Variants in PDE7B observed in about 807,000 individuals in gnomAD.
PDE7B encodes phosphodiesterase 7B, also known as 3',5'-cyclic-AMP phosphodiesterase 7B.
In PDE7B, 29 loss-of-function variants were observed where a neutral mutation model predicts 56.2. The observed-to-expected ratio is 0.52, with a 90% CI of 0.38 to 0.70. The LOEUF is 0.70. Ranked by LOEUF, PDE7B falls within the 30% of genes least tolerant of loss-of-function variation. The pLI, the probability that PDE7B is intolerant of heterozygous loss-of-function variation, is 0.00. For missense variants in PDE7B, 490 were observed against 565.0 expected, an observed-to-expected ratio of 0.87 and a Z score of 1.35; for synonymous variants, 197 against 196.9, an observed-to-expected ratio of 1.00 and a Z score of 0.00.
At chr6:136,158,616 G>A (rs1348133077) in intron 8 of PDE7B, among the ~76,000 whole-genome samples, 1 of 152,168 alleles carries the variant, frequency 6.6e-6, no homozygotes, top group Non-Finnish European at 1.5e-5. Flanking sequence ...TAAAGAGAGA[G>A]CAGGGCAGCT....
At chr6:136,168,810 T>C (rs1334644417) in intron 8 of PDE7B, among the ~76,000 whole-genome samples, 2 of 152,122 alleles carry the variant, frequency 1.3e-5, no homozygotes, top group South Asian at 4.1e-4. Flanking sequence ...TAGAACCAGA[T>C]TCAGAGGTAA....
At chr6:136,048,899 T>G (rs1776569925) in intron 2 of PDE7B, 1 of 152,056 alleles carries the variant, frequency 6.6e-6, no homozygotes, top group Non-Finnish European at 1.5e-5. Context: ...AGAAATAATA[T>G]AGAAATAATC....
intron 1 of PDE7B, among the ~76,000 whole-genome samples, chr6:135,915,543 T>A (rs1312288454): frequency 2.6e-5 from 4 of 152,226 alleles, no homozygotes; most frequent in Non-Finnish European, 5.9e-5. Context: ...TGCAAATACC[T>A]TTAATAGACC....
chr6:135,885,196 G>C (rs998236598), intron 1 of PDE7B, among the ~76,000 whole-genome samples: 2 of 152,000 alleles, frequency 1.3e-5, no homozygotes, highest in Admixed American at 6.6e-5. Context: ...CCTACTCTTA[G>C]AGCCAAATAT....
chr6:135,901,473 T>C (rs368859488), intron 1 of PDE7B, among the ~76,000 whole-genome samples: 1 of 152,200 alleles, frequency 6.6e-6, no homozygotes, highest in South Asian at 2.1e-4. Flanking sequence ...AGCAGATGAC[T>C]GAATGAGTAC....
At chr6:136,067,620 G>A (rs778885576) in intron 2 of PDE7B, among the ~76,000 whole-genome samples, 1 of 151,960 alleles carries the variant, frequency 6.6e-6, no homozygotes, top group Non-Finnish European at 1.5e-5. Context: ...TAACTTTTTT[G>A]GTTTGCTTTG....
chr6:136,113,583 G>A lies in PDE7B; in HGVS notation c.166+4769G>A, dbSNP rs1165564052. Among the ~76,000 whole-genome samples the A allele has an allele frequency of 2.6e-5, 4 of 152,200 alleles. No individual in the cohort carries two copies. In the East Asian group the frequency reaches 7.7e-4, roughly 29 times the overall value. On this transcript the variant is annotated intron_variant, in intron 3 of 12. Transcript: ENST00000308191. ...TAAGCATAGAGAGCCAGAACAGAGA[G>A]AAAAGGGGGAAAATTGTTTTTATTC...
At chr6:136,098,147 G>GGGAA (rs1554279577) in intron 2 of PDE7B, 8 of 62,930 alleles carry the variant, frequency 1.3e-4, no homozygotes, top group Non-Finnish European at 1.9e-4. Context: ...GGGGGGGGGG[G>GGGAA]AAATATATGT....
At chr6:135,977,377 T>C (rs1775205417) in intron 2 of PDE7B, among the ~76,000 whole-genome samples, 1 of 152,102 alleles carries the variant, frequency 6.6e-6, no homozygotes. Context: ...TCAGCTTGGA[T>C]TCAGATTCGG....
chr6:136,017,933 A>G (rs1776005178), intron 2 of PDE7B, among the ~76,000 whole-genome samples: 2 of 152,186 alleles, frequency 1.3e-5, no homozygotes, highest in South Asian at 2.1e-4. Context: ...GCATTCCTAC[A>G]TGAAGCATTG....
At chr6:136,126,299 T>A (rs558980090) in intron 3 of PDE7B, among the ~76,000 whole-genome samples, 1 of 152,308 alleles carries the variant, frequency 6.6e-6, no homozygotes, top group South Asian at 2.1e-4. Context: ...AAAAACAACA[T>A]TCTTTCCTTA....
intron 2 of PDE7B, among the ~76,000 whole-genome samples, chr6:135,974,971 G>A (rs903279678): frequency 6.6e-6 from 1 of 152,040 alleles, no homozygotes. Flanking sequence ...GAGCCAAAAG[G>A]GTGAGGTGCA....
intron 1 of PDE7B, among the ~76,000 whole-genome samples, chr6:135,883,432 C>A (rs1344291362): frequency 6.6e-6 from 1 of 152,166 alleles, no homozygotes; most frequent in Non-Finnish European, 1.5e-5. Context: ...TATGTTAATT[C>A]TCCTAGGCCA....
intron 3 of PDE7B, among the ~76,000 whole-genome samples, chr6:136,141,228 T>C (rs541219143): frequency 6.6e-6 from 1 of 152,330 alleles, no homozygotes; most frequent in South Asian, 2.1e-4. Flanking sequence ...GATAATCATG[T>C]AGTTTTTGTC....
chr6:136,025,319 C>T (rs952017662), intron 2 of PDE7B, among the ~76,000 whole-genome samples: 1 of 151,976 alleles, frequency 6.6e-6, no homozygotes, highest in Non-Finnish European at 1.5e-5. Flanking sequence ...ATGTAAAATG[C>T]TAAATAAAAT....
chr6:135,907,461 T>C (rs1161573351), intron 1 of PDE7B, among the ~76,000 whole-genome samples: 1 of 152,122 alleles, frequency 6.6e-6, no homozygotes, highest in Non-Finnish European at 1.5e-5. Context: ...GCGGTGCTTT[T>C]AGTCAATTAT....
intron 3 of PDE7B, among the ~76,000 whole-genome samples, chr6:136,144,180 T>C (rs1458664770): frequency 6.6e-6 from 1 of 152,140 alleles, no homozygotes; most frequent in African/African-American, 2.4e-5. Flanking sequence ...AAGAGTGGTC[T>C]ACACTTGATA....
chr6:136,026,831 T>C (rs1776160731), intron 2 of PDE7B, among the ~76,000 whole-genome samples: 2 of 152,354 alleles, frequency 1.3e-5, no homozygotes, highest in East Asian at 3.9e-4. Flanking sequence ...GCTTCTGTTT[T>C]CTGGATCATG....
chr6:135,962,975 G>A (rs1774932812), intron 2 of PDE7B, among the ~76,000 whole-genome samples: 1 of 152,290 alleles, frequency 6.6e-6, no homozygotes, highest in East Asian at 1.9e-4. Context: ...TGGTTCTGCG[G>A]CAAATGGAAG....
Sources: allele counts gnomAD v4.1 joint callset (sites outside exome capture counted in the v4.1 genomes callset), GRCh38; gene constraint gnomAD v4.1.1; transcripts MANE v1.5; gene names NCBI Gene and HGNC (gene_info 2026-07-23, HGNC 2026-07-21).